Variants in NME7 observed in about 807,000 individuals in gnomAD.
The protein encoded by NME7 is nucleoside diphosphate kinase 7.
NME7 carries 41 observed loss-of-function variants against 49.1 expected under a neutral mutation model. That is an observed-to-expected ratio of 0.83 (90% CI 0.65 to 1.08). The LOEUF is 1.08. Ranked by LOEUF, NME7 falls within the 50% of genes least tolerant of loss-of-function variation. The pLI is 0.00. For synonymous variants in NME7, 139 were observed against 150.6 expected, an observed-to-expected ratio of 0.92 and a Z score of 0.56; for missense variants, 423 against 463.4, an observed-to-expected ratio of 0.91 and a Z score of 0.80.
intron 1 of NME7, among the ~76,000 whole-genome samples, chr1:169,337,356 T>TGGCCGACTGCTCCCAGTGCAGGGCC (rs1195289628): frequency 4.6e-5 from 7 of 152,158 alleles, no homozygotes; most frequent in African/African-American, 1.7e-4. Context: ...CCAGCAGGGC[T>TGGCCGACTGCTCCCAGTGCAGGGCC]GGCCGACTGC....
At chr1:169,336,701 G>A (rs1033839593) in intron 1 of NME7, among the ~76,000 whole-genome samples, 2 of 150,992 alleles carry the variant, frequency 1.3e-5, no homozygotes, top group Non-Finnish European at 2.9e-5. Flanking sequence ...GTTCTCCAAG[G>A]CCCCACAAGA....
chr1:169,214,439 T>C (rs1297665941), intron 10 of NME7, among the ~76,000 whole-genome samples: 2 of 152,226 alleles, frequency 1.3e-5, no homozygotes, highest in African/African-American at 2.4e-5. Context: ...AGGCTTTTGT[T>C]TGAATTTTTG....
chr1:169,335,712 A>C (rs1338596510), intron 1 of NME7, among the ~76,000 whole-genome samples: 1 of 146,942 alleles, frequency 6.8e-6, no homozygotes, highest in Non-Finnish European at 1.5e-5. Flanking sequence ...TATATTTTAT[A>C]TATATTAAAT....
chr1:169,298,795 T>C, intron 5 of NME7, 32 bp from the exon 6 acceptor site: 4 of 1,574,092 alleles, frequency 2.5e-6, no homozygotes, highest in Non-Finnish European at 3.5e-6. Flanking sequence ...AGTTTGCTTC[T>C]TTTTTCTGTC....
chr1:169,285,713 G>A (rs1462302910), intron 7 of NME7: 1 of 152,006 alleles, frequency 6.6e-6, no homozygotes, highest in African/African-American at 2.4e-5. Flanking sequence ...AATGTATAAG[G>A]AACCAGTCTG....
intron 11 of NME7, among the ~76,000 whole-genome samples, chr1:169,150,875 G>T (rs1019675212): frequency 6.6e-6 from 1 of 151,932 alleles, no homozygotes. Flanking sequence ...AACATAAAAG[G>T]CTACACTAAA....
At chr1:169,361,195 G>T (rs766804526) in intron 1 of NME7, among the ~76,000 whole-genome samples, 1 of 151,962 alleles carries the variant, frequency 6.6e-6, no homozygotes, top group African/African-American at 2.4e-5. Context: ...GGCAGAAAAA[G>T]GAAAGCAAAA....
At chr1:169,277,487 T>C (rs1649784913) in intron 7 of NME7, among the ~76,000 whole-genome samples, 1 of 109,042 alleles carries the variant, frequency 9.2e-6, no homozygotes, top group African/African-American at 3.1e-5. Flanking sequence ...AAGTCTGTTT[T>C]ATCAGAGACT....
Position 169,162,181 on chromosome 1 carries a change from A to G in NME7, c.1098+7266T>C, listed in dbSNP as rs1305211812. On this transcript the variant is annotated intron_variant, in intron 11 of 11. Coordinates refer to ENST00000367811, the MANE Select transcript of NME7 (RefSeq NM_013330.5). The stretch of plus-strand genomic sequence containing the variant: ...CCTTAACCTTTGATCCTTTGGGGAG[A>G]CTGATTTGAGTAATAATTCCATCTC... Among the ~76,000 whole-genome samples, 3 of 152,078 alleles carry G rather than the reference A, an allele frequency of 2.0e-5. No individual in the cohort carries two copies. The East Asian group carries it at 5.8e-4, about 29-fold the overall frequency.
At chr1:169,192,497 T>G (rs1660261442) in intron 10 of NME7, among the ~76,000 whole-genome samples, 1 of 152,126 alleles carries the variant, frequency 6.6e-6, no homozygotes, top group Non-Finnish European at 1.5e-5. Flanking sequence ...TCATATGCAA[T>G]TACTACACTA....
rs542067019 is a variant in NME7, at chr1:169,225,749, C to T, written c.990+4969G>A. 8.6e-5 allele frequency among the ~76,000 whole-genome samples: 13 copies of T among 151,940 alleles called. No individual in the cohort carries two copies. In the South Asian group the frequency reaches 2.5e-3, roughly 29 times the overall value. On this transcript the variant is annotated intron_variant, in intron 10 of 11. Coordinates refer to ENST00000367811, the MANE Select transcript of NME7 (RefSeq NM_013330.5). ...CTTTGGACACCACTTCTAGAGAGAC[C>T]GAAAAAAATTTTGTTAATACATAAT...
chr1:169,365,873 A>C (rs1313419947), intron 1 of NME7, among the ~76,000 whole-genome samples: 2 of 152,220 alleles, frequency 1.3e-5, no homozygotes, highest in Non-Finnish European at 2.9e-5. Flanking sequence ...GGAGGAATGT[A>C]GGATAACTCT....
intron 7 of NME7, chr1:169,283,696 C>T (rs1650140094): frequency 6.6e-6 from 1 of 152,130 alleles, no homozygotes; most frequent in African/African-American, 2.4e-5. Flanking sequence ...ATTTCTCCTT[C>T]ACTTATGAAG....
chr1:169,307,545 T>C (rs1220201466), intron 4 of NME7, among the ~76,000 whole-genome samples: 1 of 152,226 alleles, frequency 6.6e-6, no homozygotes, highest in Non-Finnish European at 1.5e-5. Flanking sequence ...GTATGCCCTA[T>C]GGTGCTCTTG....
chr1:169,263,779 C>G (rs539178905), intron 7 of NME7, among the ~76,000 whole-genome samples: 1 of 131,222 alleles, frequency 7.6e-6, no homozygotes, highest in African/African-American at 2.6e-5. Context: ...TTCAAGATCA[C>G]CCCCAAGACA....
chr1:169,353,871 A>T (rs534950470), intron 1 of NME7, among the ~76,000 whole-genome samples: 8 of 152,186 alleles, frequency 5.3e-5, no homozygotes, highest in South Asian at 4.1e-4. Context: ...ACCCCATTTT[A>T]AAAAAGTTTT....
chr1:169,327,877 G>A (rs1451871869), intron 1 of NME7, among the ~76,000 whole-genome samples: 1 of 152,134 alleles, frequency 6.6e-6, no homozygotes, highest in Non-Finnish European at 1.5e-5. Context: ...TTTCCATACA[G>A]ATATACTTTA....
chr1:169,342,948 TATTA>T (rs1402120764), intron 1 of NME7, among the ~76,000 whole-genome samples: 242 of 30,400 alleles, frequency 8.0e-3, no homozygotes, highest in Middle Eastern at 0.026. Context: ...TATATACTTG[TATTA>T]GTATATATAT....
At chr1:169,343,210 T>A (rs1652842179) in intron 1 of NME7, among the ~76,000 whole-genome samples, 1 of 151,548 alleles carries the variant, frequency 6.6e-6, no homozygotes, top group East Asian at 1.9e-4. Flanking sequence ...TATATATATT[T>A]CTATAGTTTC....
Sources: allele counts gnomAD v4.1 joint callset (sites outside exome capture counted in the v4.1 genomes callset), GRCh38; gene constraint gnomAD v4.1.1; transcripts MANE v1.5; gene names NCBI Gene and HGNC (gene_info 2026-07-23, HGNC 2026-07-21).